Variants in NPNT observed in about 807,000 individuals in gnomAD.
The protein encoded by NPNT is preosteoblast EGF-like repeat protein with MAM domain.
In NPNT, 45 loss-of-function variants were observed where a neutral mutation model predicts 68.6. The observed-to-expected ratio is 0.66, with a 90% confidence interval of 0.52 to 0.84. The LOEUF (loss-of-function observed/expected upper bound fraction) is 0.84. Ranked by LOEUF, NPNT falls within the 40% of genes least tolerant of loss-of-function variation. The probability of loss-of-function intolerance (pLI) is 0.00; values close to 1 mark genes in which losing one functional copy is unlikely to be tolerated. For missense variants in NPNT, 672 were observed against 714.8 expected (o/e 0.94, Z 0.68); for synonymous variants, 233 against 253.3 (o/e 0.92, Z 0.76).
rs1169033170 is a variant in NPNT at position 105,895,581 on chromosome 4, C to T, written c.-72C>T. ...CCTCGAGACTCTCAGAGGGGCGCCTCCCATCGGCGCCCACCACCCCAACCT... is the reference window on the plus strand; with the variant it reads ...CCTCGAGACTCTCAGAGGGGCGCCTTCCATCGGCGCCCACCACCCCAACCT... On this transcript the variant is annotated 5_prime_UTR_variant, in exon 1 of 12. Transcript: ENST00000379987. 3 of 1,245,404 alleles carry T rather than the reference C, an allele frequency of 2.4e-6. No individual in the cohort carries two copies. The highest frequency in any genetic ancestry group is 3.4e-6 in the Non-Finnish European group (3 of 878,522). 77.1% of individuals were successfully genotyped at this position (1,245,404 alleles called of 1,614,324 possible).
intron 3 of NPNT, among the ~76,000 whole-genome samples, chr4:105,936,010 CAT>C (rs935926279): frequency 2.6e-5 from 4 of 152,148 alleles, no homozygotes; most frequent in South Asian, 2.1e-4. Context: ...TCCAGACAAA[CAT>C]GTGGTCACAT....
chr4:105,940,223 A>C lies in NPNT; in HGVS notation c.640+14A>C. 1 of 1,611,940 alleles carries C rather than the reference A, an allele frequency of 6.2e-7. No homozygotes were observed. The highest frequency in any genetic ancestry group is 8.5e-7 in the Non-Finnish European group (1 of 1,178,656). On this transcript the variant is annotated intron_variant, in intron 6 of 11. Transcript: ENST00000379987. ...ATCAATGTCATGGTAATGAAACCCA[A>C]CCATTGCTTTGTGTTGTTTCTTCCT...
intron 3 of NPNT, chr4:105,927,669 A>T (rs1728794949): frequency 4.5e-6 from 1 of 221,984 alleles, no homozygotes; most frequent in African/African-American, 2.3e-5. Flanking sequence ...TTTGAAGAAA[A>T]GAATCCCTGC....
chr4:105,915,479 A>G (rs1727734473), intron 2 of NPNT, among the ~76,000 whole-genome samples: 2 of 152,142 alleles, frequency 1.3e-5, no homozygotes, highest in South Asian at 4.1e-4. Flanking sequence ...CTTTTTTGAT[A>G]AAATGTAGAT....
At chr4:105,963,145 A>G (rs112420269) in intron 10 of NPNT, among the ~76,000 whole-genome samples, 3,507 of 152,192 alleles carry the variant, frequency 0.023, 135 homozygotes, top group African/African-American at 0.079. Context: ...GAATCGCTTG[A>G]GCCTGGGAGG....
rs1455149430 is a variant in NPNT, at chr4:105,970,564, A to G, written c.*1574A>G. The G allele has an allele frequency of 4.4e-6, 3 of 679,796 alleles. No individual in the cohort carries two copies. Among genetic ancestry groups the G allele is most frequent in the Admixed American group, 4.1e-5 (2 of 49,150 alleles). 42.1% of individuals were successfully genotyped at this position (679,796 alleles called of 1,614,324 possible). A position where few individuals can be genotyped will look rare whatever the true frequency, so the allele number is the denominator to read the frequency against. ...GCTGTTCTCCATATGCACTAAGAATAGAACAAGAGGAAACTGGCTTAGACT... is the reference window on the plus strand; with the variant it reads ...GCTGTTCTCCATATGCACTAAGAATGGAACAAGAGGAAACTGGCTTAGACT... On this transcript the variant is annotated 3_prime_UTR_variant, in exon 12 of 12. Transcript: ENST00000379987.
At chr4:105,922,602 T>C (rs559242967) in intron 2 of NPNT, among the ~76,000 whole-genome samples, 11 of 151,902 alleles carry the variant, frequency 7.2e-5, no homozygotes, top group Non-Finnish European at 1.3e-4. Context: ...GGTCACAAAC[T>C]CCTAGGATGG....
At position 105,967,469 on chromosome 4, in the gene NPNT, G is replaced by C. The variant is rs554931429; in HGVS notation, c.1602+25G>C. The C allele has an allele frequency of 1.3e-4, 194 of 1,516,460 alleles. 1 individual carries two copies. The South Asian group carries it at 2.3e-3, about 18-fold the overall frequency. 93.9% of individuals were successfully genotyped at this position (1,516,460 alleles called of 1,614,324 possible). A position where few individuals can be genotyped will look rare whatever the true frequency, so the allele number is the denominator to read the frequency against. The stretch of plus-strand genomic sequence containing the variant: ...CGTAAGTAGATCCACAAAGGAGGCA[G>C]GACCTGGGACGTTTTCCTTTCATAG... On this transcript the variant is annotated intron_variant, in intron 11 of 11. Coordinates refer to ENST00000379987, the MANE Select transcript of NPNT (RefSeq NM_001033047.3).
intron 1 of NPNT, among the ~76,000 whole-genome samples, chr4:105,897,525 T>C (rs1428851824): frequency 6.6e-6 from 1 of 152,248 alleles, no homozygotes; most frequent in Non-Finnish European, 1.5e-5. Context: ...AACCTGGCTT[T>C]CACCCCAGTA....
At chr4:105,957,371 G>A (rs141005135) in intron 8 of NPNT, among the ~76,000 whole-genome samples, 1,719 of 152,058 alleles carry the variant, frequency 0.011, 8 homozygotes, top group Middle Eastern at 0.014. Context: ...CACAGTGGTC[G>A]GCATCTGCTT....
chr4:105,917,718 A>G (rs1727935111), intron 2 of NPNT, among the ~76,000 whole-genome samples: 1 of 152,166 alleles, frequency 6.6e-6, no homozygotes, highest in African/African-American at 2.4e-5. Flanking sequence ...GCCTGTCTAG[A>G]TATTAGTGTA....
chr4:105,964,391 A>G (rs972004253), intron 10 of NPNT, among the ~76,000 whole-genome samples: 1 of 152,232 alleles, frequency 6.6e-6, no homozygotes. Flanking sequence ...ATGTTAGACT[A>G]TATCCATAGA....
chr4:105,909,720 AT>A (rs1308474443), intron 2 of NPNT, among the ~76,000 whole-genome samples: 2 of 152,188 alleles, frequency 1.3e-5, no homozygotes, highest in Non-Finnish European at 2.9e-5. Flanking sequence ...AAAATATAGC[AT>A]GAAAATTAAG....
intron 2 of NPNT, among the ~76,000 whole-genome samples, chr4:105,903,355 G>A (rs935141759): frequency 2.6e-5 from 4 of 152,322 alleles, no homozygotes; most frequent in African/African-American, 9.6e-5. Context: ...CTTTCAGTGG[G>A]TAAGGGAAGA....
Position 105,958,426 on chromosome 4 carries a change from T to C in NPNT, c.1160-45T>C, listed in dbSNP as rs747699271. On this transcript the variant is annotated intron_variant, in intron 8 of 11. Coordinates refer to ENST00000379987, the MANE Select transcript of NPNT (RefSeq NM_001033047.3). ...AAAGGTAATGCCTCTTTATCAATACTTCACACACACACACACACAAAAACT... is the reference window on the plus strand; with the variant it reads ...AAAGGTAATGCCTCTTTATCAATACCTCACACACACACACACACAAAAACT... The C allele has an allele frequency of 1.3e-5, 15 of 1,139,830 alleles. No individual in the cohort carries two copies. The East Asian group carries it at 3.1e-4, about 24-fold the overall frequency. 70.6% of individuals were successfully genotyped at this position (1,139,830 alleles called of 1,614,324 possible).
At chr4:105,898,335 T>C (rs954695001) in intron 2 of NPNT, among the ~76,000 whole-genome samples, 2 of 102,994 alleles carry the variant, frequency 1.9e-5, no homozygotes, top group Non-Finnish European at 4.1e-5. Context: ...TCTGTCTCTC[T>C]CTCTCTCTCT....
Position 105,928,183 on chromosome 4 carries a change from TAGAGC to T in NPNT, c.265+756_265+760del, listed in dbSNP as rs1399742607. ...TAGTAAAAGAGCTAGCATGTCAACT[TAGAGC>T]TATGGCATATATAATCCATATTTTT... On this transcript the variant is annotated intron_variant, in intron 3 of 11. Transcript: ENST00000379987. 2.5e-3 allele frequency among the ~76,000 whole-genome samples: 376 copies of T among 152,302 alleles called. 2 individuals carry two copies. Among genetic ancestry groups the T allele is most frequent in the African/African-American group, 8.7e-3 (360 of 41,568 alleles).
chr4:105,906,757 C>T (rs867772837), intron 2 of NPNT, among the ~76,000 whole-genome samples: 2 of 152,148 alleles, frequency 1.3e-5, no homozygotes, highest in African/African-American at 2.4e-5. Flanking sequence ...GATAGGGCCC[C>T]GCCTAGGCTC....
intron 8 of NPNT, among the ~76,000 whole-genome samples, chr4:105,952,925 G>A (rs755624981): frequency 5.9e-4 from 90 of 152,120 alleles, no homozygotes; most frequent in Admixed American, 1.6e-3. Context: ...GAGAGGAGAA[G>A]GGGAGGCCGA....
Sources: allele counts gnomAD v4.1 joint callset (sites outside exome capture counted in the v4.1 genomes callset), GRCh38; gene constraint gnomAD v4.1.1; transcripts MANE v1.5; gene names NCBI Gene and HGNC (gene_info 2026-07-23, HGNC 2026-07-21).